The following RBM41 variants were observed in gnomAD, a reference collection of about 807,000 sequenced individuals.
RBM41 encodes RNA-binding protein 41.
Under a neutral mutation model 30.8 loss-of-function variants are expected in RBM41, and 14 were observed. The ratio of observed to expected loss-of-function variants is 0.45; its 90% confidence interval spans 0.30 to 0.71. The LOEUF is 0.71. Ranked by LOEUF, RBM41 falls within the 30% of genes least tolerant of loss-of-function variation. The pLI is 0.08. For synonymous variants in RBM41, 120 were observed against 110.1 expected, an observed-to-expected ratio of 1.09 and a Z score of -0.56; for missense variants, 276 against 326.3, an observed-to-expected ratio of 0.85 and a Z score of 1.19.
chrX:107,052,928 C>A, the RBM41 span, among the ~76,000 whole-genome samples: 4 of 111,993 alleles, frequency 3.6e-5, no homozygotes. Flanking sequence ...TAACAGCATT[C>A]TTCTCCTAAA....
rs1470842616 is a variant in RBM41 at position 107,062,503 on chromosome X, GT to G, written c.*5023del. On this transcript the variant is annotated 3_prime_UTR_variant, in exon 8 of 8. Coordinates refer to ENST00000685964, the MANE Select transcript of RBM41 (RefSeq NM_001324242.2). ...ACTTAACTATGTCTGAAATTAGAGT[GT>G]TAATCCTAAGTGAGCAGTATATCAA... Among the ~76,000 whole-genome samples the G allele has an allele frequency of 9.0e-6, 1 of 111,360 alleles. No homozygotes were observed. Among genetic ancestry groups the G allele is most frequent in the Non-Finnish European group, 1.9e-5 (1 of 53,047 alleles).
At chrX:107,074,373 C>T (rs112174076) in intron 6 of RBM41, among the ~76,000 whole-genome samples, 4,509 of 111,251 alleles carry the variant, frequency 0.041, 98 homozygotes, top group Middle Eastern at 0.098. Context: ...CAAGCTGCTA[C>T]CTGGTGAATG....
Position 107,090,104 on chromosome X carries a change from G to T in RBM41, c.596-1265C>A, listed in dbSNP as rs781280830. On this transcript the variant is annotated intron_variant, in intron 5 of 7. Transcript: ENST00000685964. Reference sequence around the variant, plus strand: ...GAAATGTCTAATGGAGGCCGGGCGTGGTGGCTCATGCCTGCAATCCCAGCA... The same window carrying T: ...GAAATGTCTAATGGAGGCCGGGCGTTGTGGCTCATGCCTGCAATCCCAGCA... Among the ~76,000 whole-genome samples the T allele has an allele frequency of 2.3e-4, 26 of 112,132 alleles. No homozygotes were observed. In the South Asian group the frequency reaches 9.6e-3, roughly 41 times the overall value.
chrX:107,060,030 A>G (rs1935615138), downstream of RBM41, among the ~76,000 whole-genome samples: 2 of 111,038 alleles, frequency 1.8e-5, no homozygotes, highest in South Asian at 7.7e-4. Flanking sequence ...ATCTTGTGGT[A>G]CCAGAAAACA....
intron 6 of RBM41, among the ~76,000 whole-genome samples, chrX:107,072,121 G>C (rs1033575909): frequency 1.8e-5 from 2 of 111,270 alleles, no homozygotes; most frequent in Non-Finnish European, 3.8e-5. Context: ...ACACAGTAGT[G>C]AAAGTCTTAG....
At chrX:107,107,727 G>A (rs180856618) in intron 5 of RBM41, among the ~76,000 whole-genome samples, 39 of 111,146 alleles carry the variant, frequency 3.5e-4, no homozygotes, top group African/African-American at 1.3e-3. Flanking sequence ...GTTAAATAAT[G>A]GATGATAGAG....
chrX:107,098,548 A>G lies in RBM41; in HGVS notation c.596-9709T>C, dbSNP rs760225311. ...TATGAACACCTGATATTGCAACACA[A>G]TAACAGTCTAGACATTTTCAATATT... On this transcript the variant is annotated intron_variant, in intron 5 of 7. Transcript: ENST00000685964. Among the ~76,000 whole-genome samples the G allele has an allele frequency of 4.5e-4, 50 of 111,790 alleles. 1 individual carries two copies. Among genetic ancestry groups the G allele is most frequent in the Non-Finnish European group, 1.5e-4 (8 of 53,185 alleles).
At chrX:107,082,528 C>CT (rs1336306174) in intron 6 of RBM41, among the ~76,000 whole-genome samples, 6 of 111,358 alleles carry the variant, frequency 5.4e-5, no homozygotes, top group African/African-American at 2.0e-4. Flanking sequence ...ATTGTAATGT[C>CT]TTTATCTGGT....
intron 6 of RBM41, among the ~76,000 whole-genome samples, chrX:107,078,391 A>G (rs1434875253): frequency 3.6e-5 from 4 of 111,305 alleles, no homozygotes; most frequent in Middle Eastern, 4.6e-3. Context: ...TGGGAGGTGT[A>G]TATTTCTTTT....
chrX:107,060,194 A>T (rs140340335), downstream of RBM41, among the ~76,000 whole-genome samples: 1,296 of 110,878 alleles, frequency 0.012, 9 homozygotes, highest in Non-Finnish European at 0.018. Flanking sequence ...GCTGATATAA[A>T]TACATGAGAA....
chrX:107,087,759 G>A (rs747691774), intron 6 of RBM41, among the ~76,000 whole-genome samples: 31 of 111,068 alleles, frequency 2.8e-4, no homozygotes, highest in Non-Finnish European at 5.3e-4. Flanking sequence ...ACACACCACC[G>A]CGCCCAGCTA....
At chrX:107,106,214 G>T (rs1923968837) in intron 5 of RBM41, among the ~76,000 whole-genome samples, 2 of 112,081 alleles carry the variant, frequency 1.8e-5, no homozygotes, top group South Asian at 7.3e-4. Context: ...CGAAGGATAT[G>T]AACAGACACT....
rs1182399994 is a variant in RBM41, at chrX:107,062,176, G to C, written c.*5351C>G. On this transcript the variant is annotated 3_prime_UTR_variant, in exon 8 of 8. Transcript: ENST00000685964. The stretch of plus-strand genomic sequence containing the variant: ...AATCAAACAGTAAGCAGCCTTTTGA[G>C]TTTGGCTTCTTTTACTTAGTAAAAT... Among the ~76,000 whole-genome samples the C allele has an allele frequency of 8.9e-6, 1 of 112,136 alleles. No individual in the cohort carries two copies. The highest frequency in any genetic ancestry group is 3.2e-5 in the African/African-American group (1 of 30,858).
intron 5 of RBM41, among the ~76,000 whole-genome samples, chrX:107,103,810 A>G (rs1052165102): frequency 1.8e-5 from 2 of 111,783 alleles, no homozygotes; most frequent in African/African-American, 6.5e-5. Flanking sequence ...GTGGAAAAAA[A>G]TCACAACACT....
In RBM41 at chrX:107,113,449, A is replaced by G; in HGVS notation, c.543T>C (p.Ser181=). 1.0e-6 allele frequency: 1 copy of G among 982,697 alleles called. No homozygotes were observed. 81.0% of individuals were successfully genotyped at this position (982,697 alleles called of 1,213,427 possible). Reference sequence around the variant, plus strand: ...TCATTGAGGTCATGTACTTGTCTGCACTTGTCTTTTTGTGGTATGCTGTGA... The same window carrying G: ...TCATTGAGGTCATGTACTTGTCTGCGCTTGTCTTTTTGTGGTATGCTGTGA... ...LYYQAYHKKT[S]ADKYMTSMKR... is the part of the protein sequence containing the mutation. Residue 181 remains serine (S), a synonymous_variant, in exon 5 of 8, where the codon AGT becomes AGC. Transcript: ENST00000685964.
chrX:107,091,900 T>G (rs1922571937), intron 5 of RBM41, among the ~76,000 whole-genome samples: 1 of 111,821 alleles, frequency 8.9e-6, no homozygotes, highest in Non-Finnish European at 1.9e-5. Context: ...TACCATAGTT[T>G]ATTTAACTAT....
At chrX:107,060,039 C>G (rs541372625), downstream of RBM41, among the ~76,000 whole-genome samples, 1 of 110,513 alleles carries the variant, frequency 9.0e-6, no homozygotes, top group Non-Finnish European at 1.9e-5. Context: ...TACCAGAAAA[C>G]AAGGAAGTGG....
intron 5 of RBM41, among the ~76,000 whole-genome samples, chrX:107,100,493 AAAAAAAAAAAG>A (rs1032299909): frequency 9.2e-6 from 1 of 109,222 alleles, no homozygotes; most frequent in African/African-American, 3.3e-5. Context: ...TCTGTCTCAA[AAAAAAAAAAAG>A]AAAAAAAAAG....
At chrX:107,078,883 C>CAA (rs576858697) in intron 6 of RBM41, among the ~76,000 whole-genome samples, 5 of 99,197 alleles carry the variant, frequency 5.0e-5, no homozygotes, top group African/African-American at 1.4e-4. Flanking sequence ...CCCCGAATGT[C>CAA]AAAAAAAAAA....
Sources: allele counts gnomAD v4.1 joint callset (sites outside exome capture counted in the v4.1 genomes callset), GRCh38; gene constraint gnomAD v4.1.1; transcripts MANE v1.5; gene names NCBI Gene and HGNC (gene_info 2026-07-23, HGNC 2026-07-21).